MGAT4C: variants seen among roughly 807,000 people sequenced by gnomAD.
MGAT4C encodes alpha-1,3-mannosyl-glycoprotein 4-beta-N-acetylglucosaminyltransferase C.
Under a neutral mutation model 40.1 loss-of-function variants are expected in MGAT4C, and 19 were observed. The observed-to-expected ratio is 0.47, with a 90% CI of 0.33 to 0.70. MGAT4C has a LOEUF of 0.70. Ranked by LOEUF, MGAT4C falls within the 30% of genes least tolerant of loss-of-function variation. MGAT4C has a pLI of 0.02. For missense variants in MGAT4C, 491 were observed against 563.2 expected, an observed-to-expected ratio of 0.87 and a Z score of 1.30; for synonymous variants, 181 against 187.1, an observed-to-expected ratio of 0.97 and a Z score of 0.27.
chr12:86,137,128 C>T (rs1012961509), intron 1 of MGAT4C, among the ~76,000 whole-genome samples: 3 of 152,178 alleles, frequency 2.0e-5, no homozygotes, highest in Non-Finnish European at 2.9e-5. Flanking sequence ...ACCTTATATA[C>T]ATTCTTTCCA....
chr12:86,174,070 T>C (rs1250103111), intron 1 of MGAT4C, among the ~76,000 whole-genome samples: 1 of 151,646 alleles, frequency 6.6e-6, no homozygotes, highest in African/African-American at 2.4e-5. Context: ...ATCTGTGCTT[T>C]TTACAGTGAA....
chr12:86,151,850 C>T (rs1170807219), intron 1 of MGAT4C, among the ~76,000 whole-genome samples: 2 of 152,242 alleles, frequency 1.3e-5, no homozygotes, highest in East Asian at 1.9e-4. Context: ...AGAGCCTTAA[C>T]GTTGTTCCTA....
In MGAT4C at chr12:85,967,705, T is replaced by A. The variant is rs1051411549; in HGVS notation, c.*11584A>T. 3.3e-5 allele frequency: 5 copies of A among 152,136 alleles called. No individual in the cohort carries two copies. The highest frequency in any genetic ancestry group is 7.4e-5 in the Non-Finnish European group (5 of 67,982). 9.4% of individuals were successfully genotyped at this position (152,136 alleles called of 1,614,324 possible). ...ATAAAGAATAGATGATCAGATTTTT[T>A]AAAAGTGATTTTAATTAAATGGACA... On this transcript the variant is annotated 3_prime_UTR_variant, in exon 5 of 5. Transcript: ENST00000611864.
At chr12:86,104,788 C>T (rs1433774706) in intron 1 of MGAT4C, among the ~76,000 whole-genome samples, 1 of 152,090 alleles carries the variant, frequency 6.6e-6, no homozygotes, top group African/African-American at 2.4e-5. Flanking sequence ...TATGTATCAT[C>T]TTCTAATTTT....
chr12:85,979,746 T>A lies in MGAT4C; in HGVS notation c.980A>T (p.Asp327Val). The A allele has an allele frequency of 6.2e-7, 1 of 1,613,570 alleles. No homozygotes were observed. The highest frequency in any genetic ancestry group is 8.5e-7 in the Non-Finnish European group (1 of 1,179,806). Residue 327 changes from aspartate to valine, a missense_variant, in exon 5 of 5, where the codon GAT becomes GTT. Asp to Val is a radical substitution (Grantham distance 152). Coordinates refer to ENST00000611864, the MANE Select transcript of MGAT4C (RefSeq NM_001351288.2). ...SYKGTENKLK[D>V]DDFEEESFDI... ...AAATGACTCCTCTTCAAAATCATCA[T>A]CCTTCAGCTTATTCTCCGTCCCTTT... is the stretch of plus-strand genomic sequence containing the variant.
At chr12:86,054,297 T>G (rs2136979438) in intron 1 of MGAT4C, among the ~76,000 whole-genome samples, 1 of 152,154 alleles carries the variant, frequency 6.6e-6, no homozygotes, top group South Asian at 2.1e-4. Context: ...GATATTGTGC[T>G]AAGTGAATTA....
At chr12:86,351,475 T>C (rs1955160831) in intron 3 of MGAT4C, among the ~76,000 whole-genome samples, 1 of 151,952 alleles carries the variant, frequency 6.6e-6, no homozygotes, top group Non-Finnish European at 1.5e-5. Flanking sequence ...TATAACAAAA[T>C]AAATGGAAAT....
At chr12:86,496,206 A>G (rs1213787147) in intron 2 of MGAT4C, among the ~76,000 whole-genome samples, 2 of 152,012 alleles carry the variant, frequency 1.3e-5, no homozygotes, top group African/African-American at 4.8e-5. Flanking sequence ...AAAACCCAGG[A>G]CAGAGCCTGG....
At chr12:86,803,911 A>C (rs1380161557) in intron 1 of MGAT4C, among the ~76,000 whole-genome samples, 2 of 148,616 alleles carry the variant, frequency 1.3e-5, no homozygotes, top group African/African-American at 5.0e-5. Flanking sequence ...CCATCCCATT[A>C]CTGGGTATAT....
chr12:86,386,908 C>T (rs1324336023), intron 3 of MGAT4C, among the ~76,000 whole-genome samples: 1 of 152,114 alleles, frequency 6.6e-6, no homozygotes, highest in Non-Finnish European at 1.5e-5. Context: ...ATTGTGTTTG[C>T]ATAGCTGACT....
intron 2 of MGAT4C, among the ~76,000 whole-genome samples, chr12:86,608,425 T>A (rs1962121201): frequency 6.6e-6 from 1 of 151,712 alleles, no homozygotes; most frequent in South Asian, 2.1e-4. Flanking sequence ...CAAAAAAATT[T>A]AAAAAAATAA....
intron 3 of MGAT4C, among the ~76,000 whole-genome samples, chr12:86,416,928 A>G (rs984735674): frequency 6.6e-6 from 1 of 152,160 alleles, no homozygotes; most frequent in Non-Finnish European, 1.5e-5. Context: ...AAAAGCAAGG[A>G]AAGATTATTT....
intron 2 of MGAT4C, among the ~76,000 whole-genome samples, chr12:86,679,533 G>T (rs984801820): frequency 2.6e-5 from 4 of 151,918 alleles, no homozygotes; most frequent in Admixed American, 2.6e-4. Context: ...TAGTTTGAAT[G>T]TGCACCCCAA....
At chr12:86,503,041 CAT>C (rs1387235214) in intron 2 of MGAT4C, among the ~76,000 whole-genome samples, 2 of 5,928 alleles carry the variant, frequency 3.4e-4, no homozygotes, top group Non-Finnish European at 5.0e-4. Flanking sequence ...GAGTTCTGCT[CAT>C]ATATATATAT....
intron 1 of MGAT4C, among the ~76,000 whole-genome samples, chr12:86,114,850 C>CAGTTT (rs1878115226): frequency 6.6e-6 from 1 of 151,766 alleles, no homozygotes; most frequent in Non-Finnish European, 1.5e-5. Context: ...AATCTATTAC[C>CAGTTT]TACCCTAAGG....
At chr12:86,668,806 C>G (rs955249861) in intron 2 of MGAT4C, among the ~76,000 whole-genome samples, 2 of 152,146 alleles carry the variant, frequency 1.3e-5, no homozygotes, top group Non-Finnish European at 2.9e-5. Flanking sequence ...GCTGCCAGAT[C>G]CAGCTTAGCG....
intron 2 of MGAT4C, among the ~76,000 whole-genome samples, chr12:86,569,851 A>C (rs1053132514): frequency 3.3e-5 from 5 of 152,172 alleles, no homozygotes; most frequent in African/African-American, 1.2e-4. Context: ...ATGGAATACT[A>C]TTCAGCTTTA....
At chr12:86,527,664 A>C (rs1958908938) in intron 2 of MGAT4C, among the ~76,000 whole-genome samples, 2 of 151,962 alleles carry the variant, frequency 1.3e-5, no homozygotes, top group Non-Finnish European at 2.9e-5. Context: ...GTCCTCTTTT[A>C]TTTCTTTCAT....
At chr12:86,395,129 A>C (rs1476354132) in intron 3 of MGAT4C, among the ~76,000 whole-genome samples, 1 of 152,272 alleles carries the variant, frequency 6.6e-6, no homozygotes, top group South Asian at 2.1e-4. Context: ...ATGTAAGGTT[A>C]AAAAGATGGA....
Sources: allele counts gnomAD v4.1 joint callset (sites outside exome capture counted in the v4.1 genomes callset), GRCh38; gene constraint gnomAD v4.1.1; transcripts MANE v1.5; gene names NCBI Gene and HGNC (gene_info 2026-07-23, HGNC 2026-07-21).